Variants in IFT74 observed in about 807,000 individuals in gnomAD.
The protein encoded by IFT74 is intraflagellar transport 74.
A neutral mutation model predicts 96.7 loss-of-function variants in IFT74; 92 were observed. The observed-to-expected ratio is 0.95, with a 90% CI of 0.80 to 1.13. The LOEUF (loss-of-function observed/expected upper bound fraction) is 1.13, where lower values mean the gene tolerates loss of function less well. Ranked by LOEUF, IFT74 falls within the 50% of genes most tolerant of loss-of-function variation. IFT74 has a pLI of 0.00. For missense variants in IFT74, 811 were observed against 698.2 expected, an observed-to-expected ratio of 1.16 and a Z score of -1.82; for synonymous variants, 223 against 213.2, an observed-to-expected ratio of 1.05 and a Z score of -0.40.
At chr9:27,034,647 G>A (rs995144652) in intron 13 of IFT74, among the ~76,000 whole-genome samples, 1 of 152,150 alleles carries the variant, frequency 6.6e-6, no homozygotes, top group Non-Finnish European at 1.5e-5. Context: ...TCCTACCTCA[G>A]CCTCCCAAGT....
intron 2 of IFT74, among the ~76,000 whole-genome samples, chr9:26,977,187 A>G (rs1171100216): frequency 2.6e-5 from 4 of 152,098 alleles, no homozygotes; most frequent in Non-Finnish European, 5.9e-5. Flanking sequence ...TATGTTCTCC[A>G]GGCTGGCCTC....
At chr9:26,959,210 G>A (rs902322530) in intron 1 of IFT74, among the ~76,000 whole-genome samples, 7 of 152,134 alleles carry the variant, frequency 4.6e-5, no homozygotes, top group African/African-American at 1.2e-4. Context: ...CCGGGTTCAC[G>A]CCATTCTCCT....
intron 18 of IFT74, among the ~76,000 whole-genome samples, chr9:27,058,987 T>C (rs1202803796): frequency 6.6e-6 from 1 of 152,022 alleles, no homozygotes; most frequent in Admixed American, 6.5e-5. Context: ...TCAGCAATTC[T>C]TGGAAAAAAA....
At chr9:27,057,983 C>A (rs1820242971) in intron 18 of IFT74, among the ~76,000 whole-genome samples, 1 of 152,146 alleles carries the variant, frequency 6.6e-6, no homozygotes, top group Non-Finnish European at 1.5e-5. Context: ...GGTGCCATAT[C>A]CTTGTAGTAT....
At chr9:27,043,110 A>T (rs957647146) in intron 13 of IFT74, among the ~76,000 whole-genome samples, 3 of 152,214 alleles carry the variant, frequency 2.0e-5, no homozygotes, top group African/African-American at 7.2e-5. Context: ...TTGCTAATCC[A>T]TCTAGAGCCT....
chr9:26,964,605 G>A (rs1206259441), intron 2 of IFT74, among the ~76,000 whole-genome samples: 1 of 151,938 alleles, frequency 6.6e-6, no homozygotes, highest in Non-Finnish European at 1.5e-5. Context: ...AGCATGGAAT[G>A]TTCTTCCATT....
chr9:27,002,982 T>A lies in IFT74; in HGVS notation c.588-6038T>A, dbSNP rs1022998246. Among the ~76,000 whole-genome samples the A allele has an allele frequency of 2.6e-5, 4 of 152,302 alleles. No homozygotes were observed. The East Asian group carries it at 5.8e-4, about 22-fold the overall frequency. ...TTTCTTTCATCAGTGTTTTACAGTT[T>A]TTGTTATATAGATATTTCACTTCAT... On this transcript the variant is annotated intron_variant, in intron 8 of 19. Coordinates refer to ENST00000380062, the MANE Select transcript of IFT74 (RefSeq NM_025103.4).
chr9:26,947,547 T>C (rs1196939140), intron 1 of IFT74: 1 of 154,018 alleles, frequency 6.5e-6, no homozygotes, highest in East Asian at 1.9e-4. Flanking sequence ...AATCCGGATA[T>C]TTTAAACCTG....
intron 8 of IFT74, chr9:26,993,608 AT>A (rs1827988004): frequency 6.6e-6 from 1 of 152,424 alleles, no homozygotes; most frequent in Non-Finnish European, 1.5e-5. Context: ...GATCTATTTT[AT>A]TTTAGCCTCT....
At chr9:26,990,831 G>C (rs755348496) in intron 8 of IFT74, among the ~76,000 whole-genome samples, 2 of 152,154 alleles carry the variant, frequency 1.3e-5, no homozygotes, top group Non-Finnish European at 2.9e-5. Context: ...GTTAACTAGG[G>C]ATACTCAGAT....
At chr9:26,948,448 A>ATTTTTTTTTTTTTTTTTTTTTTTTTTTT (rs71841244) in intron 1 of IFT74, among the ~76,000 whole-genome samples, 2 of 59,164 alleles carry the variant, frequency 3.4e-5, no homozygotes, top group East Asian at 2.9e-4. Flanking sequence ...GCTTTCCATT[A>ATTTTTTTTTTTTTTTTTTTTTTTTTTTT]TTTTTTTTTT....
intron 8 of IFT74, among the ~76,000 whole-genome samples, chr9:27,002,883 A>AT (rs1301263178): frequency 6.6e-5 from 10 of 151,716 alleles, no homozygotes; most frequent in African/African-American, 2.4e-4. Flanking sequence ...TTTGGTTAGT[A>AT]TTGATATTTT....
intron 6 of IFT74, 96 bp from the exon 7 acceptor site, chr9:26,988,573 A>C (rs10967645): frequency 8.8e-7 from 1 of 1,141,438 alleles, no homozygotes; most frequent in African/African-American, 1.6e-5. Context: ...GTTACTACTC[A>C]TTATTTGTAA....
chr9:27,063,954 G>A lies in IFT74; in HGVS notation c.*1218G>A, dbSNP rs563234615. ...TCCTGAGCATCTTGAGTTATTAATA[G>A]TGTTATGCCTCCAAAGGATTCATGG... On this transcript the variant is annotated 3_prime_UTR_variant, in exon 20 of 20. Transcript: ENST00000380062. 2.6e-4 allele frequency among the ~76,000 whole-genome samples: 40 copies of A among 152,076 alleles called. No homozygotes were observed. Among genetic ancestry groups the A allele is most frequent in the Non-Finnish European group, 4.9e-4 (33 of 67,978 alleles).
intron 2 of IFT74, among the ~76,000 whole-genome samples, chr9:26,968,641 G>A (rs553007248): frequency 5.3e-5 from 8 of 152,240 alleles, no homozygotes; most frequent in South Asian, 2.1e-4. Flanking sequence ...TTCAGTCTCC[G>A]TTGGTTGTAT....
chr9:26,986,280 G>A (rs1827627639), intron 6 of IFT74, among the ~76,000 whole-genome samples: 1 of 147,550 alleles, frequency 6.8e-6, no homozygotes, highest in Admixed American at 6.8e-5. Context: ...TTTTGTTGTT[G>A]TTACTGGTGG....
intron 2 of IFT74, among the ~76,000 whole-genome samples, chr9:26,966,048 G>A (rs1289784597): frequency 6.6e-6 from 1 of 151,652 alleles, no homozygotes; most frequent in African/African-American, 2.4e-5. Context: ...GTATATACAT[G>A]TATACCACAT....
intron 12 of IFT74, 103 bp downstream of exon 12, chr9:27,018,790 C>T (rs977711848): frequency 9.9e-6 from 6 of 604,956 alleles, no homozygotes; most frequent in Non-Finnish European, 1.7e-5. Flanking sequence ...TTACTTATAG[C>T]TTTAAATATT....
Position 27,013,765 on chromosome 9 carries a change from C to T in IFT74, c.789+1797C>T, listed in dbSNP as rs530079174. Among the ~76,000 whole-genome samples the T allele has an allele frequency of 2.8e-4, 43 of 152,218 alleles. 1 individual carries two copies. Among genetic ancestry groups the T allele is most frequent in the African/African-American group, 9.4e-4 (39 of 41,536 alleles). ...TGTATCTCAAATCTTGCCTCCCTTT[C>T]CTGATTTCCTGTGGATTCAGGTAGA... On this transcript the variant is annotated intron_variant, in intron 10 of 19. Coordinates refer to ENST00000380062, the MANE Select transcript of IFT74 (RefSeq NM_025103.4).
Sources: allele counts gnomAD v4.1 joint callset (sites outside exome capture counted in the v4.1 genomes callset), GRCh38; gene constraint gnomAD v4.1.1; transcripts MANE v1.5; gene names NCBI Gene and HGNC (gene_info 2026-07-23, HGNC 2026-07-21).